TRHR: variants seen among roughly 807,000 people sequenced by gnomAD.
TRHR encodes the protein thyrotropin-releasing hormone receptor.
In TRHR, 14 loss-of-function variants were observed where a neutral mutation model predicts 28.0. The ratio of observed to expected loss-of-function variants is 0.50; its 90% confidence interval spans 0.33 to 0.78. TRHR has a LOEUF of 0.78. Ranked by LOEUF, TRHR falls within the 30% of genes least tolerant of loss-of-function variation. TRHR has a pLI of 0.02. For synonymous variants in TRHR, 176 were observed against 171.9 expected, an observed-to-expected ratio of 1.02 and a Z score of -0.18; for missense variants, 438 against 469.5, an observed-to-expected ratio of 0.93 and a Z score of 0.62.
intron 2 of TRHR, among the ~76,000 whole-genome samples, chr8:109,088,809 C>G (rs1053663728): frequency 6.6e-6 from 1 of 152,142 alleles, no homozygotes; most frequent in African/African-American, 2.4e-5. Flanking sequence ...GGTTCCTGGA[C>G]TTATTTTTGG....
intron 2 of TRHR, among the ~76,000 whole-genome samples, chr8:109,094,738 T>C (rs1339968956): frequency 2.0e-5 from 3 of 151,670 alleles, no homozygotes. Context: ...GAATAAACAA[T>C]GTGTCTTTAT....
chr8:109,119,116 G>A lies in TRHR; in HGVS notation c.858G>A (p.Val286=). The A allele has an allele frequency of 1.2e-6, 2 of 1,612,880 alleles. No individual in the cohort carries two copies. Among genetic ancestry groups the A allele is most frequent in the Non-Finnish European group, 1.7e-6 (2 of 1,179,240 alleles). ...TATGGATGCCCTACAGGACTCTAGT[G>A]GTTGTCAACTCATTTCTCTCCAGTC... is the stretch of plus-strand genomic sequence containing the variant. ...ALLWMPYRTL[V]VVNSFLSSPF... The change falls in exon 3 of 3, where the codon GTG becomes GTA. Residue 286 remains valine (V), a synonymous_variant. Transcript: ENST00000518632.
chr8:109,100,072 G>A lies in TRHR; in HGVS notation c.789+11771G>A, dbSNP rs73311326. ...GTGTAGTCAAGTGACTCAAGCCCCT[G>A]GCAATGTGCAGAATTGACACCCTGC... On this transcript the variant is annotated intron_variant, in intron 2 of 2. Transcript: ENST00000518632. Among the ~76,000 whole-genome samples the A allele has an allele frequency of 2.2e-3, 332 of 152,268 alleles. 1 individual carries two copies. Among genetic ancestry groups the A allele is most frequent in the African/African-American group, 7.7e-3 (321 of 41,566 alleles).
intron 2 of TRHR, among the ~76,000 whole-genome samples, chr8:109,089,453 C>T (rs1435122115): frequency 6.6e-6 from 1 of 151,682 alleles, no homozygotes; most frequent in African/African-American, 2.4e-5. Context: ...CTGGACACAG[C>T]AAAATAAACT....
At chr8:109,094,211 T>C (rs966931584) in intron 2 of TRHR, among the ~76,000 whole-genome samples, 8 of 151,332 alleles carry the variant, frequency 5.3e-5, no homozygotes, top group African/African-American at 1.9e-4. Context: ...TTCCTGAGAG[T>C]ACTGAGGCTA....
chr8:109,106,472 C>G (rs1811753898), intron 2 of TRHR, among the ~76,000 whole-genome samples: 1 of 152,034 alleles, frequency 6.6e-6, no homozygotes, highest in African/African-American at 2.4e-5. Flanking sequence ...TTTATTTTTC[C>G]TAAGTTCTTC....
intron 2 of TRHR, among the ~76,000 whole-genome samples, chr8:109,116,658 T>C (rs549723732): frequency 2.0e-5 from 3 of 152,136 alleles, no homozygotes; most frequent in Admixed American, 1.3e-4. Flanking sequence ...ATCCCCTTTA[T>C]CATTTTTTAT....
At chr8:109,102,404 T>G (rs918710857) in intron 2 of TRHR, among the ~76,000 whole-genome samples, 1 of 152,164 alleles carries the variant, frequency 6.6e-6, no homozygotes, top group Non-Finnish European at 1.5e-5. Context: ...ATCCTTCTTT[T>G]TCTTGTCAGA....
chr8:109,095,488 G>C (rs762599168), intron 2 of TRHR, among the ~76,000 whole-genome samples: 10 of 152,106 alleles, frequency 6.6e-5, no homozygotes, highest in Non-Finnish European at 1.0e-4. Flanking sequence ...AGCTATGGAA[G>C]GGAAGCGTCT....
Position 109,119,607 on chromosome 8 carries a change from C to T in TRHR, c.*152C>T. 1 of 845,486 alleles carries T rather than the reference C, an allele frequency of 1.2e-6. No individual in the cohort carries two copies. Among genetic ancestry groups the T allele is most frequent in the Non-Finnish European group, 1.8e-6 (1 of 551,218 alleles). 52.4% of individuals were successfully genotyped at this position (845,486 alleles called of 1,614,324 possible). The stretch of plus-strand genomic sequence containing the variant: ...AAATTCTGGCCCTAGATACTTTAAC[C>T]CATGAGGATGATTCAGACTTTCCTT... On this transcript the variant is annotated 3_prime_UTR_variant, in exon 3 of 3. Transcript: ENST00000518632.
At chr8:109,089,119 A>G (rs1055942584) in intron 2 of TRHR, among the ~76,000 whole-genome samples, 5 of 152,204 alleles carry the variant, frequency 3.3e-5, no homozygotes, top group Admixed American at 2.0e-4. Context: ...GAAATGATAT[A>G]GGAATAAAAT....
At chr8:109,092,836 A>G (rs1463706338) in intron 2 of TRHR, among the ~76,000 whole-genome samples, 1 of 152,172 alleles carries the variant, frequency 6.6e-6, no homozygotes, top group Non-Finnish European at 1.5e-5. Flanking sequence ...GAAAATATAG[A>G]AAACTAGGAA....
intron 2 of TRHR, among the ~76,000 whole-genome samples, chr8:109,101,610 TTG>T (rs879831708): frequency 1.3e-5 from 2 of 152,222 alleles, no homozygotes; most frequent in Non-Finnish European, 2.9e-5. Flanking sequence ...TTATTATTAA[TTG>T]AATAGTGTAA....
intron 2 of TRHR, among the ~76,000 whole-genome samples, chr8:109,104,690 G>C (rs913484455): frequency 6.6e-6 from 1 of 152,068 alleles, no homozygotes; most frequent in African/African-American, 2.4e-5. Flanking sequence ...TTCTAAAGAT[G>C]AGGCAACATT....
At position 109,106,558 on chromosome 8, in the gene TRHR, T is replaced by C. The variant is rs77320740; in HGVS notation, c.790-12490T>C. On this transcript the variant is annotated intron_variant, in intron 2 of 2. Coordinates refer to ENST00000518632, the MANE Select transcript of TRHR (RefSeq NM_003301.7). The stretch of plus-strand genomic sequence containing the variant: ...CCCGAAAAAATTTTCTTCACTGTAA[T>C]TGCATGCTGCTCTATCAATCATGTC... Among the ~76,000 whole-genome samples, 986 of 152,268 alleles carry C rather than the reference T, an allele frequency of 6.5e-3. 9 individuals carry two copies. The highest frequency in any genetic ancestry group is 0.034 in the Middle Eastern group (10 of 294).
At chr8:109,114,160 T>C (rs937278074) in intron 2 of TRHR, among the ~76,000 whole-genome samples, 57 of 152,056 alleles carry the variant, frequency 3.7e-4, no homozygotes, top group Admixed American at 1.8e-3. Flanking sequence ...GAGTTTGGTA[T>C]CAAAATTTCC....
chr8:109,098,154 C>T (rs1811623175), intron 2 of TRHR, among the ~76,000 whole-genome samples: 1 of 151,038 alleles, frequency 6.6e-6, no homozygotes, highest in South Asian at 2.1e-4. Context: ...TTTTTTGAGA[C>T]AGTATTGCTT....
At chr8:109,102,693 G>T (rs1457767504) in intron 2 of TRHR, among the ~76,000 whole-genome samples, 4 of 152,056 alleles carry the variant, frequency 2.6e-5, no homozygotes, top group African/African-American at 9.7e-5. Context: ...AAGGAGAAAA[G>T]GCATGGCTGT....
At chr8:109,093,123 A>G (rs1473197868) in intron 2 of TRHR, among the ~76,000 whole-genome samples, 2 of 152,128 alleles carry the variant, frequency 1.3e-5, no homozygotes, top group South Asian at 4.1e-4. Flanking sequence ...AACAGGAAAA[A>G]TAATGACCTC....
Sources: gnomAD v4.1 joint callset for allele counts (sites outside exome capture counted in the v4.1 genomes callset) on GRCh38, gnomAD v4.1.1 for gene constraint, MANE v1.5 for transcripts, NCBI Gene and HGNC (gene_info 2026-07-23, HGNC 2026-07-21) for gene names.